L3MBTL3: variants seen among roughly 807,000 people sequenced by gnomAD.
L3MBTL3 encodes L3MBTL histone methyl-lysine binding protein 3, also known as lethal(3)malignant brain tumor-like protein 3.
Under a neutral mutation model 102.3 loss-of-function variants are expected in L3MBTL3, and 27 were observed. That is an observed-to-expected ratio of 0.26 (90% CI 0.19 to 0.36). The LOEUF is 0.36. Among genes scored for constraint, L3MBTL3 ranks in the 10% least tolerant of loss-of-function variants. The pLI, the probability that L3MBTL3 is intolerant of heterozygous loss-of-function variation, is 1.00. For synonymous variants in L3MBTL3, 340 were observed against 320.9 expected, an observed-to-expected ratio of 1.06 and a Z score of -0.64; for missense variants, 798 against 955.3, an observed-to-expected ratio of 0.84 and a Z score of 2.17.
At chr6:130,036,242 T>C (rs1156878930) in intron 2 of L3MBTL3, among the ~76,000 whole-genome samples, 1 of 152,128 alleles carries the variant, frequency 6.6e-6, no homozygotes, top group Non-Finnish European at 1.5e-5. Flanking sequence ...TAAAATAATA[T>C]TGGTTCCTGG....
In L3MBTL3 at chr6:130,052,995, A is replaced by G; in HGVS notation, c.582+4A>G. The G allele has an allele frequency of 6.2e-7, 1 of 1,609,248 alleles. No homozygotes were observed. The highest frequency in any genetic ancestry group is 8.5e-7 in the Non-Finnish European group (1 of 1,175,618). ...AGAAGAGAGAGATGATGAAATGGTG[A>G]GTGCCTCTGCCTGACACCAGGAGCA... On this transcript the variant is annotated splice_donor_region_variant and intron_variant, in intron 7 of 22. Transcript: ENST00000361794.
chr6:130,076,812 A>G (rs891614624), intron 13 of L3MBTL3, among the ~76,000 whole-genome samples: 2 of 152,170 alleles, frequency 1.3e-5, no homozygotes, highest in African/African-American at 4.8e-5. Context: ...TTATTAAGAA[A>G]ATATAAGTAA....
At position 130,026,789 on chromosome 6, in the gene L3MBTL3, C is replaced by G. The variant is rs1779378632; in HGVS notation, c.-16+4484C>G. On this transcript the variant is annotated intron_variant, in intron 2 of 22. Coordinates refer to ENST00000361794, the MANE Select transcript of L3MBTL3 (RefSeq NM_032438.4). ...GAAGAGACCCAATAAGGTAGTAGGA[C>G]TAGTTATGAAAAATATATATATAAA... Among the ~76,000 whole-genome samples the G allele has an allele frequency of 3.9e-5, 6 of 152,022 alleles. No homozygotes were observed. In the South Asian group the frequency reaches 1.2e-3, roughly 32 times the overall value.
At position 130,087,456 on chromosome 6, in the gene L3MBTL3, A is replaced by G. The variant is rs567236124; in HGVS notation, c.1518+1206A>G. 3.9e-5 allele frequency among the ~76,000 whole-genome samples: 6 copies of G among 152,298 alleles called. No homozygotes were observed. In the East Asian group the frequency reaches 1.2e-3, roughly 29 times the overall value. On this transcript the variant is annotated intron_variant, in intron 16 of 22. Transcript: ENST00000361794. ...TACAATTAAGTACAATATTACTTTT[A>G]TAAATCAGATTGCTCAGAATTGAAA...
intron 18 of L3MBTL3, 76 bp from the exon 19 acceptor site, chr6:130,104,350 C>T: frequency 9.5e-7 from 1 of 1,056,990 alleles, no homozygotes; most frequent in South Asian, 2.5e-5. Flanking sequence ...TGTATCCTGT[C>T]ATTTTAATTG....
In L3MBTL3 at chr6:130,057,488, G is replaced by C. The variant is rs1191729256; in HGVS notation, c.750G>C (p.Leu250=). 8 of 1,607,466 alleles carry C rather than the reference G, an allele frequency of 5.0e-6. No individual in the cohort carries two copies. The highest frequency in any genetic ancestry group is 6.8e-6 in the Non-Finnish European group (8 of 1,177,658). The change falls in exon 9 of 23, where the codon CTG becomes CTC. Residue 250 remains leucine (L), a synonymous_variant. Coordinates refer to ENST00000361794, the MANE Select transcript of L3MBTL3 (RefSeq NM_032438.4). ...EEKAVAVPAK[L]FKEHQSFPYN... ...AAGCGGTGGCAGTGCCGGCGAAGCT[G>C]TTCAAGGAGGTACGGGCCCTTCTAG...
chr6:130,125,962 T>C (rs751796886), intron 20 of L3MBTL3, among the ~76,000 whole-genome samples: 1 of 143,296 alleles, frequency 7.0e-6, no homozygotes, highest in Non-Finnish European at 1.5e-5. Flanking sequence ...CCATTTCTTC[T>C]GTTAATTGTG....
At chr6:130,136,656 C>T (rs745550218) in intron 22 of L3MBTL3, among the ~76,000 whole-genome samples, 52 of 151,642 alleles carry the variant, frequency 3.4e-4, no homozygotes, top group East Asian at 2.3e-3. Context: ...CTCACTCTGT[C>T]GCCCAGGCTG....
intron 10 of L3MBTL3, among the ~76,000 whole-genome samples, chr6:130,065,797 T>A (rs1473273666): frequency 1.3e-5 from 2 of 152,182 alleles, no homozygotes; most frequent in Non-Finnish European, 2.9e-5. Flanking sequence ...GTATGGCATG[T>A]GTTATACAGA....
At chr6:130,117,957 C>T (rs887399757) in intron 19 of L3MBTL3, among the ~76,000 whole-genome samples, 2 of 150,014 alleles carry the variant, frequency 1.3e-5, no homozygotes, top group Non-Finnish European at 1.5e-5. Flanking sequence ...GCAATCCTCC[C>T]GCCTCAGTCT....
intron 8 of L3MBTL3, among the ~76,000 whole-genome samples, chr6:130,055,901 G>GTCCCC (rs1781475293): frequency 7.1e-6 from 1 of 140,672 alleles, no homozygotes; most frequent in African/African-American, 2.7e-5. Context: ...CTTCCCTTCT[G>GTCCCC]TCCCCTCCCC....
At chr6:130,092,256 C>G (rs971875212) in intron 16 of L3MBTL3, among the ~76,000 whole-genome samples, 4 of 152,204 alleles carry the variant, frequency 2.6e-5, no homozygotes, top group East Asian at 1.9e-4. Context: ...GAATGTGTGT[C>G]TAGCAGGCTT....
chr6:130,092,682 G>A, intron 16 of L3MBTL3, 63 bp from the exon 17 acceptor site: 1 of 987,156 alleles, frequency 1.0e-6, no homozygotes, highest in Admixed American at 1.8e-5. Context: ...GCTGTGGGCA[G>A]AACTTTGACT....
intron 2 of L3MBTL3, among the ~76,000 whole-genome samples, chr6:130,031,452 G>A (rs1779719091): frequency 6.6e-6 from 1 of 152,214 alleles, no homozygotes; most frequent in Non-Finnish European, 1.5e-5. Context: ...ACTTTGGCTG[G>A]GACAGCACTC....
At chr6:130,058,731 A>T (rs965054743) in intron 9 of L3MBTL3, among the ~76,000 whole-genome samples, 2 of 152,208 alleles carry the variant, frequency 1.3e-5, no homozygotes, top group African/African-American at 2.4e-5. Flanking sequence ...GCAGCCATAG[A>T]GAATAGGTAG....
Position 130,100,989 on chromosome 6 carries a change from G to A in L3MBTL3, c.1737-3437G>A, listed in dbSNP as rs149331361. ...TTATTTAATAATTGTAAGGCCAAGCGTATAACAATGAATGAAATGCTGGTC... is the reference window on the plus strand; with the variant it reads ...TTATTTAATAATTGTAAGGCCAAGCATATAACAATGAATGAAATGCTGGTC... On this transcript the variant is annotated intron_variant, in intron 18 of 22. Transcript: ENST00000361794. 1.0e-3 allele frequency among the ~76,000 whole-genome samples: 157 copies of A among 152,260 alleles called. 1 individual carries two copies. In the East Asian group the frequency reaches 0.024, roughly 23 times the overall value.
At chr6:130,042,386 T>G (rs985754604) in intron 2 of L3MBTL3, among the ~76,000 whole-genome samples, 1 of 152,240 alleles carries the variant, frequency 6.6e-6, no homozygotes, top group Admixed American at 6.5e-5. Flanking sequence ...TTATGACTTT[T>G]TGTTTTAAGT....
At chr6:130,061,488 T>C (rs1781901040) in intron 10 of L3MBTL3, among the ~76,000 whole-genome samples, 1 of 152,202 alleles carries the variant, frequency 6.6e-6, no homozygotes, top group African/African-American at 2.4e-5. Flanking sequence ...AAGGAACTTG[T>C]AGCTTGTAAT....
At position 130,141,422 on chromosome 6, in the gene L3MBTL3, A is replaced by G. The variant is rs1300131740; in HGVS notation, c.*1669A>G. 1 of 152,232 alleles carries G rather than the reference A, an allele frequency of 6.6e-6. No individual in the cohort carries two copies. The highest frequency in any genetic ancestry group is 1.5e-5 in the Non-Finnish European group (1 of 68,048). The allele number at this position is 152,232 out of a possible 1,614,324, so 9.4% of individuals were successfully genotyped here. A position where few individuals can be genotyped will look rare whatever the true frequency, so the allele number is the denominator to read the frequency against. On this transcript the variant is annotated 3_prime_UTR_variant, in exon 23 of 23. Coordinates refer to ENST00000361794, the MANE Select transcript of L3MBTL3 (RefSeq NM_032438.4). ...ACTTGTTATATCTGACATGAATGAA[A>G]TAAAATCTTAATTACAGATGCTTTT... is the stretch of plus-strand genomic sequence containing the variant.
Sources: gnomAD v4.1 joint callset for allele counts (sites outside exome capture counted in the v4.1 genomes callset) on GRCh38, gnomAD v4.1.1 for gene constraint, MANE v1.5 for transcripts, NCBI Gene and HGNC (gene_info 2026-07-23, HGNC 2026-07-21) for gene names.